SMC6: variants seen among roughly 807,000 people sequenced by gnomAD.
SMC6 encodes structural maintenance of chromosomes protein 6.
In SMC6, 79 loss-of-function variants were observed where a neutral mutation model predicts 142.2. That is an observed-to-expected ratio of 0.56 (90% CI 0.46 to 0.67). SMC6 has a LOEUF of 0.67. SMC6 is among the 30% of genes least tolerant of loss of function. The probability of loss-of-function intolerance (pLI) is 0.00; values close to 1 mark genes in which losing one functional copy is unlikely to be tolerated. For synonymous variants in SMC6, 411 were observed against 412.4 expected, an observed-to-expected ratio of 1.00 and a Z score of 0.04; for missense variants, 1,072 against 1,284.0, an observed-to-expected ratio of 0.83 and a Z score of 2.52.
At chr2:17,744,296 T>C (rs1307366513) in intron 3 of SMC6, among the ~76,000 whole-genome samples, 1 of 152,196 alleles carries the variant, frequency 6.6e-6, no homozygotes, top group Non-Finnish European at 1.5e-5. Context: ...AATGTTGTTT[T>C]AATTTGCATC....
chr2:17,726,615 C>A, intron 7 of SMC6, 146 bp from the exon 8 acceptor site: 6 of 557,632 alleles, frequency 1.1e-5, no homozygotes, highest in East Asian at 5.8e-5. Flanking sequence ...GATAAAAATA[C>A]TAAAAAAAAG....
chr2:17,713,564 G>C (rs1668935305), intron 16 of SMC6: 1 of 470,328 alleles, frequency 2.1e-6, no homozygotes, highest in Non-Finnish European at 4.4e-6. Flanking sequence ...GAATGGCCAG[G>C]ACTATTCTCT....
At chr2:17,749,464 C>T (rs1415082668) in intron 2 of SMC6, among the ~76,000 whole-genome samples, 2 of 152,222 alleles carry the variant, frequency 1.3e-5, no homozygotes, top group African/African-American at 2.4e-5. Flanking sequence ...CCAAGGCAGG[C>T]GGATCACGAG....
chr2:17,714,130 C>G (rs2124988412), intron 16 of SMC6, among the ~76,000 whole-genome samples: 1 of 149,868 alleles, frequency 6.7e-6, no homozygotes, highest in Non-Finnish European at 1.5e-5. Flanking sequence ...ATTCTTCACC[C>G]AAGCTGGAGT....
intron 18 of SMC6, among the ~76,000 whole-genome samples, chr2:17,705,165 G>A (rs1477196081): frequency 6.6e-6 from 1 of 152,066 alleles, no homozygotes; most frequent in African/African-American, 2.4e-5. Flanking sequence ...GGCTGAGGCA[G>A]GAAAATAGCT....
intron 8 of SMC6, among the ~76,000 whole-genome samples, chr2:17,725,903 A>C (rs1173799408): frequency 6.6e-6 from 1 of 151,934 alleles, no homozygotes; most frequent in Non-Finnish European, 1.5e-5. Flanking sequence ...GCCTGGCCAA[A>C]CTGGTGAAAC....
intron 4 of SMC6, among the ~76,000 whole-genome samples, chr2:17,738,839 A>C (rs1057173161): frequency 3.3e-5 from 5 of 151,992 alleles, no homozygotes; most frequent in African/African-American, 1.2e-4. Context: ...GTAGAGACAC[A>C]GTGTTGGTAT....
intron 2 of SMC6, among the ~76,000 whole-genome samples, chr2:17,748,672 A>G (rs1161110385): frequency 6.6e-6 from 1 of 152,228 alleles, no homozygotes; most frequent in Non-Finnish European, 1.5e-5. Context: ...CTTCTCTGCT[A>G]ACCACCCTCT....
chr2:17,745,421 G>A (rs1670696505), intron 3 of SMC6, among the ~76,000 whole-genome samples: 1 of 152,114 alleles, frequency 6.6e-6, no homozygotes, highest in African/African-American at 2.4e-5. Context: ...GTGACTTGTG[G>A]TAATTTTTCC....
chr2:17,719,220 G>A (rs1022047035), intron 11 of SMC6, among the ~76,000 whole-genome samples: 2 of 152,034 alleles, frequency 1.3e-5, no homozygotes, highest in Non-Finnish European at 2.9e-5. Context: ...TAATAAAAAT[G>A]AAAGCTGGAT....
At chr2:17,742,003 G>T (rs1482992188) in intron 3 of SMC6, among the ~76,000 whole-genome samples, 1 of 152,142 alleles carries the variant, frequency 6.6e-6, no homozygotes, top group East Asian at 1.9e-4. Flanking sequence ...TGTTAGTGGA[G>T]GGGGTTTGTC....
rs1156334660 is a variant in SMC6, at chr2:17,741,687, T to C, written c.163A>G (p.Asn55Asp). ...VGIIESIHLK[N>D]FMCHSMLGPF... is the part of the protein sequence containing the mutation. ...CCAAGCATTGAATGACACATGAAGTTTTTTAGGTGAATACTCTCAATTATT... is the reference window on the plus strand; with the variant it reads ...CCAAGCATTGAATGACACATGAAGTCTTTTAGGTGAATACTCTCAATTATT... Residue 55 changes from asparagine to aspartate, a missense_variant, in exon 4 of 28, where the codon AAC becomes GAC. Physicochemically the swap from Asn to Asp is conservative, Grantham distance 23 (BLOSUM62 1). Around this residue, in one of 3 missense-constraint regions of SMC6, gnomAD observed 994 missense variants for 1,153.2 expected, o/e 0.86. Coordinates refer to ENST00000448223, the MANE Select transcript of SMC6 (RefSeq NM_001142286.2). 1.9e-6 allele frequency: 3 copies of C among 1,611,606 alleles called. No individual in the cohort carries two copies. Among genetic ancestry groups the C allele is most frequent in the Non-Finnish European group, 2.5e-6 (3 of 1,179,102 alleles).
At chr2:17,692,857 A>T (rs530781793) in intron 23 of SMC6, among the ~76,000 whole-genome samples, 1 of 152,330 alleles carries the variant, frequency 6.6e-6, no homozygotes, top group Admixed American at 6.5e-5. Context: ...ACAAATTTAC[A>T]AGAAAAAAAC....
chr2:17,671,799 TCACA>T (rs1378676007), intron 25 of SMC6, among the ~76,000 whole-genome samples: 4 of 151,930 alleles, frequency 2.6e-5, no homozygotes, highest in Admixed American at 2.0e-4. Flanking sequence ...AGCAAATCAT[TCACA>T]CAATTTCCTG....
At chr2:17,708,932 T>G (rs1236280191) in intron 16 of SMC6, among the ~76,000 whole-genome samples, 179 bp from the exon 17 acceptor site, 1 of 152,018 alleles carries the variant, frequency 6.6e-6, no homozygotes, top group Non-Finnish European at 1.5e-5. Flanking sequence ...CATAGCTGTA[T>G]AGGTTTATTT....
At chr2:17,752,391 T>C (rs1247989631) in intron 2 of SMC6, among the ~76,000 whole-genome samples, 2 of 152,216 alleles carry the variant, frequency 1.3e-5, no homozygotes, top group African/African-American at 4.8e-5. Context: ...CCACTTTTTT[T>C]CCTCTGAAAT....
At chr2:17,725,864 G>C (rs1669590137) in intron 8 of SMC6, among the ~76,000 whole-genome samples, 1 of 151,962 alleles carries the variant, frequency 6.6e-6, no homozygotes, top group Admixed American at 6.6e-5. Flanking sequence ...AAAGCAGGTG[G>C]ATCACTTGAG....
intron 6 of SMC6, 111 bp from the exon 7 acceptor site, chr2:17,731,250 A>G (rs1669902389): frequency 2.8e-6 from 2 of 712,304 alleles, no homozygotes; most frequent in Non-Finnish European, 2.4e-6. Flanking sequence ...TTGCATCATC[A>G]AGAAAGGTAC....
At chr2:17,731,613 T>A in intron 6 of SMC6, 128 bp downstream of exon 6, 1 of 832,104 alleles carries the variant, frequency 1.2e-6, no homozygotes, top group Non-Finnish European at 1.9e-6. Context: ...TGTGTGTGTG[T>A]GTATATATAT....
Sources: gnomAD v4.1 joint callset for allele counts (sites outside exome capture counted in the v4.1 genomes callset) on GRCh38, gnomAD v4.1.1 for gene constraint, gnomAD v4.1.1 regional missense constraint, MANE v1.5 for transcripts, NCBI Gene and HGNC (gene_info 2026-07-23, HGNC 2026-07-21) for gene names.